Variants in PSD2 observed in about 807,000 individuals in gnomAD.
PSD2 encodes PH and SEC7 domain-containing protein 2.
A neutral mutation model predicts 69.8 loss-of-function variants in PSD2; 38 were observed. That is an observed-to-expected ratio of 0.54 (90% CI 0.42 to 0.71). PSD2 has a LOEUF of 0.71. Ranked by LOEUF, PSD2 falls within the 30% of genes least tolerant of loss-of-function variation. The pLI is 0.00. For synonymous variants in PSD2, 412 were observed against 423.0 expected (o/e 0.97, Z 0.32); for missense variants, 943 against 1,014.5 (o/e 0.93, Z 0.96).
chr5:139,762,332 C>A, the PSD2 span, among the ~76,000 whole-genome samples: 1 of 149,476 alleles, frequency 6.7e-6, no homozygotes, highest in African/African-American at 2.5e-5. Context: ...CATGAACCAC[C>A]ACGCCCAGTC....
chr5:139,783,265 GTC>G, the PSD2 span, among the ~76,000 whole-genome samples: 1 of 151,820 alleles, frequency 6.6e-6, no homozygotes, highest in Non-Finnish European at 1.5e-5. Flanking sequence ...TAAGACCCTC[GTC>G]TCTACAAAAA....
rs529058855 is a variant in PSD2, at chr5:139,813,456, C to T, written c.519C>T (p.Cys173=). 2.0e-5 allele frequency: 33 copies of T among 1,614,050 alleles called. No homozygotes were observed. The highest frequency in any genetic ancestry group is 7.7e-5 in the South Asian group (7 of 91,076). The change falls in exon 3 of 15, where the codon TGC becomes TGT. Residue 173 remains cysteine, a synonymous_variant. Transcript: ENST00000274710. The stretch of plus-strand genomic sequence containing the variant: ...GCCTCACGGATGAGAGCGACAGCTG[C>T]GTCAGCTTCGAGGCCCCCCTCACAC... The part of the protein sequence containing the change: ...GLSLTDESDS[C]VSFEAPLTPL...
At chr5:139,809,864 G>C in intron 2 of PSD2, 53 bp downstream of exon 2, 1 of 1,591,908 alleles carries the variant, frequency 6.3e-7, no homozygotes, top group Non-Finnish European at 8.5e-7. Flanking sequence ...TTCTGTTGTT[G>C]TGTGGCCTGG....
At chr5:139,745,745 G>A in the PSD2 span, among the ~76,000 whole-genome samples, 2 of 152,328 alleles carry the variant, frequency 1.3e-5, no homozygotes, top group East Asian at 3.9e-4. Context: ...CCCCGCCTGG[G>A]GGTCTCCTGT....
At chr5:139,826,913 C>T (rs560297202) in intron 7 of PSD2, among the ~76,000 whole-genome samples, 5 of 152,306 alleles carry the variant, frequency 3.3e-5, no homozygotes, top group South Asian at 2.1e-4. Flanking sequence ...AGCTGGTACC[C>T]GAAGTGTCTT....
At chr5:139,745,770 G>C in the PSD2 span, among the ~76,000 whole-genome samples, 1 of 152,208 alleles carries the variant, frequency 6.6e-6, no homozygotes, top group Non-Finnish European at 1.5e-5. Flanking sequence ...ACGTGTGCCT[G>C]CCCAGGCTGT....
chr5:139,821,987 G>A lies in PSD2; in HGVS notation c.1192G>A (p.Asp398Asn), dbSNP rs1310259503. The change falls in exon 6 of 15, where the codon GAT (aspartate) becomes AAT (asparagine). Residue 398 changes from aspartate (D) to asparagine (N), a missense_variant. Physicochemically the swap from Asp to Asn is conservative, Grantham distance 23. Around this residue, in one of 3 missense-constraint regions of PSD2, gnomAD observed 312 missense variants for 400.7 expected, o/e 0.78. Coordinates refer to ENST00000274710, the MANE Select transcript of PSD2 (RefSeq NM_032289.4). ...CCGCCGGTACTGCCAGTGCAACCCTGATGACAGCACTTCGGAAGGTATGGC... is the reference window on the plus strand; with the variant it reads ...CCGCCGGTACTGCCAGTGCAACCCTAATGACAGCACTTCGGAAGGTATGGC... Reference protein sequence around the residue: ...FSRRYCQCNPDDSTSEDGIHT... With the variant: ...FSRRYCQCNPNDSTSEDGIHT... 1 of 1,606,410 alleles carries A rather than the reference G, an allele frequency of 6.2e-7. No homozygotes were observed. Among genetic ancestry groups the A allele is most frequent in the South Asian group, 1.1e-5 (1 of 89,822 alleles).
intron 1 of PSD2, among the ~76,000 whole-genome samples, chr5:139,800,883 G>T (rs1479504824): frequency 6.6e-6 from 1 of 152,126 alleles, no homozygotes; most frequent in Non-Finnish European, 1.5e-5. Context: ...CCCATGAACA[G>T]ATATCTTGCT....
At chr5:139,783,905 C>G in the PSD2 span, among the ~76,000 whole-genome samples, 198 of 144,186 alleles carry the variant, frequency 1.4e-3, no homozygotes, top group Non-Finnish European at 1.7e-3. Context: ...AGTCCCTCTT[C>G]TTGTTTCTCC....
At chr5:139,805,597 C>T (rs1021169305) in intron 1 of PSD2, among the ~76,000 whole-genome samples, 2 of 152,208 alleles carry the variant, frequency 1.3e-5, no homozygotes, top group African/African-American at 2.4e-5. Flanking sequence ...TGCTCCATCA[C>T]TCCATGATGC....
At chr5:139,811,956 T>C (rs2126937295) in intron 2 of PSD2, among the ~76,000 whole-genome samples, 1 of 152,294 alleles carries the variant, frequency 6.6e-6, no homozygotes, top group East Asian at 1.9e-4. Flanking sequence ...CCCTTTCCTC[T>C]GTCTCTTTCT....
intron 1 of PSD2, among the ~76,000 whole-genome samples, chr5:139,799,049 T>G (rs1336371385): frequency 6.6e-6 from 1 of 152,154 alleles, no homozygotes; most frequent in Non-Finnish European, 1.5e-5. Context: ...TGCTTGCTTG[T>G]GATTAGAGTC....
In PSD2 at chr5:139,813,706, G is replaced by C. The variant is rs138912183; in HGVS notation, c.769G>C (p.Gly257Arg). The C allele has an allele frequency of 1.1e-4, 170 of 1,613,404 alleles. 1 individual carries two copies. In the African/African-American group the frequency reaches 1.8e-3, roughly 17 times the overall value. ...TGAAGATGGCCCTCAGGGCCCAGGG[G>C]GGGATGAGGATGATGATGAGGAGGA... ...FHEDGPQGPG[G>R]DEDDDEEDTD... The change falls in exon 3 of 15, where the codon GGG becomes CGG. Residue 257 changes from glycine to arginine, a missense_variant. Transcript: ENST00000274710.
intron 7 of PSD2, among the ~76,000 whole-genome samples, chr5:139,824,590 T>C (rs970819428): frequency 7.2e-5 from 11 of 152,098 alleles, no homozygotes; most frequent in South Asian, 6.3e-4. Flanking sequence ...TAGAGATGTC[T>C]CTCTCTTTAC....
At chr5:139,750,452 T>G in the PSD2 span, among the ~76,000 whole-genome samples, 3 of 152,194 alleles carry the variant, frequency 2.0e-5, no homozygotes, top group Non-Finnish European at 4.4e-5. Context: ...TCAGGAGGGC[T>G]GCCCTCCATG....
chr5:139,839,948 G>A lies in PSD2; in HGVS notation c.1969-79G>A. 1.3e-6 allele frequency: 2 copies of A among 1,517,348 alleles called. No homozygotes were observed. Among genetic ancestry groups the A allele is most frequent in the Non-Finnish European group, 1.8e-6 (2 of 1,102,296 alleles). 94.0% of individuals were successfully genotyped at this position (1,517,348 alleles called of 1,614,324 possible). ...GCCTTCATTTCCCTTTGGTGGAGCA[G>A]CTCCTGGTAGAACAGGATTTGAGCC... On this transcript the variant is annotated intron_variant, in intron 13 of 14. Transcript: ENST00000274710. The surrounding 1 kb of genome is among the most constrained non-coding windows in gnomAD (Gnocchi z 5.1).
the PSD2 span, among the ~76,000 whole-genome samples, chr5:139,746,463 C>T: frequency 1.3e-5 from 2 of 152,214 alleles, no homozygotes; most frequent in South Asian, 2.1e-4. This position sits in a 1 kb window ranked among gnomAD's most constrained non-coding sequence, Gnocchi z 4.5. Flanking sequence ...CGCAGGCTAC[C>T]TGGGCCCGCC....
At chr5:139,762,676 G>A in the PSD2 span, among the ~76,000 whole-genome samples, 1 of 152,128 alleles carries the variant, frequency 6.6e-6, no homozygotes, top group African/African-American at 2.4e-5. Context: ...CTTTTTTAGC[G>A]TGTCCAAGAG....
chr5:139,804,585 C>T (rs566202812), intron 1 of PSD2, among the ~76,000 whole-genome samples: 21 of 152,248 alleles, frequency 1.4e-4, no homozygotes, highest in African/African-American at 4.3e-4. Context: ...CCCAACTTCC[C>T]CTAGCCCACT....
Sources: allele counts gnomAD v4.1 joint callset (sites outside exome capture counted in the v4.1 genomes callset), GRCh38; gene constraint gnomAD v4.1.1; regional missense constraint gnomAD v4.1.1; non-coding constraint Gnocchi (gnomAD v3.1); transcripts MANE v1.5; gene names NCBI Gene and HGNC (gene_info 2026-07-23, HGNC 2026-07-21).